Variants in CHRM3 observed in about 807,000 individuals in gnomAD.
The protein encoded by CHRM3 is muscarinic acetylcholine receptor M3.
In CHRM3, 11 loss-of-function variants were observed where a neutral mutation model predicts 41.8. That is an observed-to-expected ratio of 0.26 (90% CI 0.17 to 0.44). The LOEUF (loss-of-function observed/expected upper bound fraction) is 0.44. Ranked by LOEUF, CHRM3 falls within the 20% of genes least tolerant of loss-of-function variation. The probability of loss-of-function intolerance (pLI) is 1.00; values close to 1 mark genes in which losing one functional copy is unlikely to be tolerated. For missense variants in CHRM3, 571 were observed against 745.4 expected (o/e 0.77, Z 2.72); for synonymous variants, 297 against 301.4 (o/e 0.99, Z 0.15).
chr1:239,834,929 T>C (rs186152390), intron 6 of CHRM3, among the ~76,000 whole-genome samples: 77 of 152,302 alleles, frequency 5.1e-4, no homozygotes, highest in Admixed American at 6.5e-4. Flanking sequence ...GTTTAACACA[T>C]ATGCTCAGTC....
At chr1:239,538,472 C>T (rs1658421968) in intron 2 of CHRM3, among the ~76,000 whole-genome samples, 1 of 152,192 alleles carries the variant, frequency 6.6e-6, no homozygotes, top group East Asian at 1.9e-4. Context: ...TCTTTATCCC[C>T]TGCCTGCCAA....
intron 4 of CHRM3, among the ~76,000 whole-genome samples, chr1:239,662,361 G>A (rs1673287623): frequency 6.6e-6 from 1 of 152,096 alleles, no homozygotes; most frequent in African/African-American, 2.4e-5. Flanking sequence ...TGTAGTAGGA[G>A]ACTTTATGAA....
At chr1:239,436,014 T>C (rs1663237551) in intron 1 of CHRM3, among the ~76,000 whole-genome samples, 1 of 152,140 alleles carries the variant, frequency 6.6e-6, no homozygotes, top group Non-Finnish European at 1.5e-5. Flanking sequence ...ATATATAGGG[T>C]ATTTTTTGAA....
intron 1 of CHRM3, among the ~76,000 whole-genome samples, chr1:239,447,319 CGG>C (rs1009051712): frequency 1.3e-5 from 2 of 151,206 alleles, no homozygotes; most frequent in African/African-American, 4.9e-5. Context: ...AGAAAAAAAA[CGG>C]AGGAAGAGAG....
At chr1:239,636,038 G>A (rs1670429481) in intron 4 of CHRM3, among the ~76,000 whole-genome samples, 1 of 152,168 alleles carries the variant, frequency 6.6e-6, no homozygotes, top group South Asian at 2.1e-4. Flanking sequence ...GAAAATAGTG[G>A]TAAATCCTTG....
At chr1:239,869,697 A>G (rs1382501760) in intron 6 of CHRM3, among the ~76,000 whole-genome samples, 2 of 152,100 alleles carry the variant, frequency 1.3e-5, no homozygotes, top group Admixed American at 6.5e-5. Flanking sequence ...TACTGTATTA[A>G]TTGCCCCTGA....
chr1:239,728,835 A>G lies in CHRM3; in HGVS notation c.-147+50547A>G, dbSNP rs142810575. The stretch of plus-strand genomic sequence containing the variant: ...CATCACAAGCACTTTTATTATTACT[A>G]TAGATTAAGCCAATGTGGATTCATT... On this transcript the variant is annotated intron_variant, in intron 5 of 6. Transcript: ENST00000676153. Among the ~76,000 whole-genome samples, 7 of 151,928 alleles carry G rather than the reference A, an allele frequency of 4.6e-5. No homozygotes were observed. In the East Asian group the frequency reaches 1.2e-3, roughly 25 times the overall value.
At chr1:239,864,100 T>C (rs1328750856) in intron 6 of CHRM3, among the ~76,000 whole-genome samples, 1 of 148,462 alleles carries the variant, frequency 6.7e-6, no homozygotes, top group East Asian at 2.0e-4. Flanking sequence ...AAAAACTCAG[T>C]TGGGTGAGAT....
intron 5 of CHRM3, among the ~76,000 whole-genome samples, chr1:239,690,515 C>T (rs1443090687): frequency 6.6e-6 from 1 of 152,066 alleles, no homozygotes; most frequent in South Asian, 2.1e-4. Context: ...AGGTGTAAGC[C>T]ACTGCACCCG....
chr1:239,657,795 A>G (rs1672845787), intron 4 of CHRM3, among the ~76,000 whole-genome samples: 1 of 152,234 alleles, frequency 6.6e-6, no homozygotes. Context: ...GCAAAATTAC[A>G]TTAATAACAT....
chr1:239,455,715 A>G (rs1382741732), intron 1 of CHRM3, among the ~76,000 whole-genome samples: 2 of 152,218 alleles, frequency 1.3e-5, no homozygotes, highest in Non-Finnish European at 2.9e-5. Flanking sequence ...GTTTGAGTCA[A>G]AAAGTTTTTA....
intron 4 of CHRM3, among the ~76,000 whole-genome samples, chr1:239,649,681 A>C (rs1013749094): frequency 6.6e-6 from 1 of 152,084 alleles, no homozygotes; most frequent in African/African-American, 2.4e-5. Context: ...GGAAGGATAA[A>C]CTGAGGATGG....
chr1:239,827,756 CA>C (rs1005148864), intron 6 of CHRM3, among the ~76,000 whole-genome samples: 32 of 151,438 alleles, frequency 2.1e-4, no homozygotes, highest in African/African-American at 5.3e-4. Flanking sequence ...ATTTAACCCA[CA>C]AAAAAAAATT....
intron 5 of CHRM3, among the ~76,000 whole-genome samples, chr1:239,735,390 T>C (rs1169574332): frequency 6.6e-6 from 1 of 152,198 alleles, no homozygotes; most frequent in African/African-American, 2.4e-5. Flanking sequence ...CTGCAGATGT[T>C]TCATGTAGCT....
At chr1:239,886,019 T>A (rs187129986) in intron 6 of CHRM3, 21 of 152,338 alleles carry the variant, frequency 1.4e-4, no homozygotes, top group Non-Finnish European at 2.8e-4. Context: ...ATCAACCACA[T>A]TCTGTTAAAA....
chr1:239,829,924 T>A (rs1300807004), intron 6 of CHRM3, among the ~76,000 whole-genome samples: 1 of 152,194 alleles, frequency 6.6e-6, no homozygotes, highest in Non-Finnish European at 1.5e-5. Flanking sequence ...TTATAATTAC[T>A]ATTTTTGTCT....
At chr1:239,427,595 C>A (rs1662493149) in intron 1 of CHRM3, among the ~76,000 whole-genome samples, 1 of 152,016 alleles carries the variant, frequency 6.6e-6, no homozygotes, top group Non-Finnish European at 1.5e-5. Context: ...AAGGAAACAC[C>A]TGGAGGCTTC....
chr1:239,699,882 T>C (rs933277737), intron 5 of CHRM3, among the ~76,000 whole-genome samples: 1 of 152,204 alleles, frequency 6.6e-6, no homozygotes, highest in Non-Finnish European at 1.5e-5. Context: ...AAATTATTAG[T>C]TAGACTATCC....
intron 3 of CHRM3, among the ~76,000 whole-genome samples, chr1:239,631,240 C>A (rs1669792001): frequency 6.6e-6 from 1 of 152,198 alleles, no homozygotes. Context: ...GTAAAACTCT[C>A]TCGAAGTTTG....
Sources: allele counts gnomAD v4.1 joint callset (sites outside exome capture counted in the v4.1 genomes callset), GRCh38; gene constraint gnomAD v4.1.1; transcripts MANE v1.5; gene names NCBI Gene and HGNC (gene_info 2026-07-23, HGNC 2026-07-21).